The following CPQ variants were observed in gnomAD, a reference collection of about 807,000 sequenced individuals.
CPQ encodes Ser-Met dipeptidase.
CPQ carries 37 observed loss-of-function variants against 45.7 expected under a neutral mutation model. The observed-to-expected ratio is 0.81, with a 90% CI of 0.62 to 1.07. The LOEUF (loss-of-function observed/expected upper bound fraction) is 1.07, where lower values mean the gene tolerates loss of function less well. Ranked by LOEUF, CPQ falls within the 50% of genes least tolerant of loss-of-function variation. The probability of loss-of-function intolerance (pLI) is 0.00; values close to 1 mark genes in which losing one functional copy is unlikely to be tolerated. For synonymous variants in CPQ, 186 were observed against 205.8 expected (o/e 0.90, Z 0.82); for missense variants, 537 against 572.9 (o/e 0.94, Z 0.64).
At chr8:97,044,344 T>C (rs1389161968) in intron 6 of CPQ, among the ~76,000 whole-genome samples, 3 of 152,200 alleles carry the variant, frequency 2.0e-5, no homozygotes, top group Admixed American at 6.5e-5. Flanking sequence ...TCAGCTCCTT[T>C]AAGCACTTCT....
At chr8:96,856,169 C>G (rs1193622953) in intron 3 of CPQ, among the ~76,000 whole-genome samples, 1 of 152,186 alleles carries the variant, frequency 6.6e-6, no homozygotes, top group Non-Finnish European at 1.5e-5. Context: ...GTGATATGAT[C>G]TAATCTGTGC....
intron 6 of CPQ, among the ~76,000 whole-genome samples, chr8:97,063,932 T>C (rs1403828427): frequency 6.6e-6 from 1 of 152,184 alleles, no homozygotes; most frequent in Non-Finnish European, 1.5e-5. Context: ...TTGCTTAGGA[T>C]TGCCTTGGCT....
At chr8:97,010,248 G>A (rs898190289) in intron 5 of CPQ, among the ~76,000 whole-genome samples, 3 of 152,116 alleles carry the variant, frequency 2.0e-5, no homozygotes, top group Non-Finnish European at 2.9e-5. Context: ...GCTTTCGTAT[G>A]TCAGAGAATG....
intron 1 of CPQ, among the ~76,000 whole-genome samples, chr8:96,711,250 T>C (rs1419559958): frequency 6.6e-6 from 1 of 152,208 alleles, no homozygotes; most frequent in Admixed American, 6.5e-5. Context: ...AGACAGCAGA[T>C]ATTTGGCTGT....
intron 1 of CPQ, among the ~76,000 whole-genome samples, chr8:96,654,497 C>T (rs1480545311): frequency 6.6e-6 from 1 of 152,044 alleles, no homozygotes; most frequent in Non-Finnish European, 1.5e-5. Flanking sequence ...ACATCCTTTC[C>T]ATAGAGTACT....
intron 5 of CPQ, among the ~76,000 whole-genome samples, 192 bp downstream of exon 5, chr8:96,966,238 G>A (rs1263094569): frequency 6.6e-6 from 1 of 152,196 alleles, no homozygotes; most frequent in African/African-American, 2.4e-5. Flanking sequence ...GACATCTAAA[G>A]TGTCAAATGT....
intron 1 of CPQ, among the ~76,000 whole-genome samples, chr8:96,768,302 T>TG (rs71267278): frequency 6.6e-6 from 1 of 151,938 alleles, no homozygotes; most frequent in African/African-American, 2.4e-5. Flanking sequence ...TTTTTTTTTT[T>TG]GCAACCTTTG....
chr8:97,034,273 T>C (rs1809959067), intron 6 of CPQ, among the ~76,000 whole-genome samples: 1 of 152,228 alleles, frequency 6.6e-6, no homozygotes, highest in Non-Finnish European at 1.5e-5. Flanking sequence ...ACTGTAGTAC[T>C]ATACACTAGA....
intron 4 of CPQ, among the ~76,000 whole-genome samples, chr8:96,948,914 G>A (rs1396142259): frequency 6.6e-6 from 1 of 151,964 alleles, no homozygotes; most frequent in Non-Finnish European, 1.5e-5. Flanking sequence ...TGTCTCTTGT[G>A]ATAGTTTTTG....
chr8:96,778,524 C>T (rs1810644837), intron 1 of CPQ, among the ~76,000 whole-genome samples: 1 of 152,046 alleles, frequency 6.6e-6, no homozygotes, highest in Non-Finnish European at 1.5e-5. Context: ...TTGTTTTGTG[C>T]CTTCAATCTT....
intron 7 of CPQ, among the ~76,000 whole-genome samples, chr8:97,134,041 C>T (rs1273138734): frequency 6.6e-6 from 1 of 152,094 alleles, no homozygotes; most frequent in Non-Finnish European, 1.5e-5. Context: ...TGTCATTCTC[C>T]AAGGCAGAAG....
chr8:96,761,351 A>C (rs895350291), intron 1 of CPQ: 4 of 152,240 alleles, frequency 2.6e-5, no homozygotes, highest in African/African-American at 9.6e-5. Context: ...TGCTGCCTTC[A>C]AGAGCAGGGC....
chr8:96,881,167 T>C (rs140583129), intron 4 of CPQ, among the ~76,000 whole-genome samples: 6 of 152,208 alleles, frequency 3.9e-5, no homozygotes, highest in African/African-American at 1.4e-4. Context: ...TCTGTATTAG[T>C]CCATTCTCAC....
At chr8:96,837,941 C>CCA (rs1324764403) in intron 3 of CPQ, among the ~76,000 whole-genome samples, 2 of 152,156 alleles carry the variant, frequency 1.3e-5, no homozygotes, top group South Asian at 2.1e-4. Context: ...CAGCATGACT[C>CCA]CACATTCCAG....
intron 7 of CPQ, among the ~76,000 whole-genome samples, chr8:97,142,325 A>G (rs913002736): frequency 2.0e-5 from 3 of 152,182 alleles, no homozygotes; most frequent in African/African-American, 7.2e-5. Flanking sequence ...TGAGGCTATG[A>G]TCCATGACTG....
intron 1 of CPQ, among the ~76,000 whole-genome samples, chr8:96,776,462 GTCTC>G (rs1400669735): frequency 6.6e-6 from 1 of 152,116 alleles, no homozygotes; most frequent in Non-Finnish European, 1.5e-5. Context: ...TTAAATCTTA[GTCTC>G]TCTATCTTTT....
chr8:97,135,228 A>G (rs180770091), intron 7 of CPQ, among the ~76,000 whole-genome samples: 258 of 152,280 alleles, frequency 1.7e-3, no homozygotes, highest in African/African-American at 5.9e-3. Context: ...CTAAAAGTAG[A>G]ATACTTTTAA....
At chr8:96,857,575 G>A (rs1030242418) in intron 3 of CPQ, among the ~76,000 whole-genome samples, 1 of 152,202 alleles carries the variant, frequency 6.6e-6, no homozygotes, top group Non-Finnish European at 1.5e-5. Context: ...CTTGAATAGT[G>A]CAGCAGCTTT....
intron 7 of CPQ, among the ~76,000 whole-genome samples, chr8:97,125,614 T>C (rs1317992387): frequency 6.6e-6 from 1 of 152,138 alleles, no homozygotes; most frequent in Admixed American, 6.5e-5. Flanking sequence ...CACATTAACA[T>C]AATAAAGGAA....
Sources: gnomAD v4.1 joint callset for allele counts (sites outside exome capture counted in the v4.1 genomes callset) on GRCh38, gnomAD v4.1.1 for gene constraint, MANE v1.5 for transcripts, NCBI Gene and HGNC (gene_info 2026-07-23, HGNC 2026-07-21) for gene names.